The following ST6GAL2 variants were observed in gnomAD, a reference collection of about 807,000 sequenced individuals.
ST6GAL2 encodes ST6 beta-galactoside alpha-2,6-sialyltransferase 2, also known as beta-galactoside alpha-2,6-sialyltransferase 2.
Under a neutral mutation model 37.5 loss-of-function variants are expected in ST6GAL2, and 24 were observed. That is an observed-to-expected ratio of 0.64 (90% CI 0.46 to 0.90). The LOEUF is 0.90. Ranked by LOEUF, ST6GAL2 falls within the 40% of genes least tolerant of loss-of-function variation. The probability of loss-of-function intolerance (pLI) is 0.00; values close to 1 mark genes in which losing one functional copy is unlikely to be tolerated. For missense variants in ST6GAL2, 715 were observed against 712.7 expected (o/e 1.00, Z -0.04); for synonymous variants, 306 against 295.1 (o/e 1.04, Z -0.38).
At chr2:106,848,749 A>G (rs1677243668) in intron 1 of ST6GAL2, among the ~76,000 whole-genome samples, 1 of 152,228 alleles carries the variant, frequency 6.6e-6, no homozygotes, top group African/African-American at 2.4e-5. Flanking sequence ...CAAAATTAAA[A>G]TAATTCAAAC....
rs765968492 is a variant in ST6GAL2, at chr2:106,841,842, AG to A, written c.943+1192del. On this transcript the variant is annotated intron_variant, in intron 2 of 5. Coordinates refer to ENST00000409382, the MANE Select transcript of ST6GAL2 (RefSeq NM_001142351.2). Reference sequence around the variant, plus strand: ...ATGGCCCCATCAATCAAAAAAGATTAGAATTGGTATTTTACTTGAAAACTAG... The same window carrying A: ...ATGGCCCCATCAATCAAAAAAGATTAAATTGGTATTTTACTTGAAAACTAG... 5.3e-5 allele frequency among the ~76,000 whole-genome samples: 8 copies of A among 152,348 alleles called. No individual in the cohort carries two copies. The South Asian group carries it at 8.3e-4, about 16-fold the overall frequency.
At chr2:106,870,875 T>G (rs1678234410) in intron 1 of ST6GAL2, among the ~76,000 whole-genome samples, 1 of 152,160 alleles carries the variant, frequency 6.6e-6, no homozygotes, top group African/African-American at 2.4e-5. Flanking sequence ...TGAAAAGGGC[T>G]TGGGGGTGTG....
At chr2:106,874,044 TTGA>T (rs1678390769) in intron 1 of ST6GAL2, among the ~76,000 whole-genome samples, 1 of 152,158 alleles carries the variant, frequency 6.6e-6, no homozygotes, top group Non-Finnish European at 1.5e-5. Flanking sequence ...ATCCATCCAT[TTGA>T]CATAGATTTA....
At chr2:106,847,827 G>C (rs1239117218) in intron 1 of ST6GAL2, among the ~76,000 whole-genome samples, 1 of 152,116 alleles carries the variant, frequency 6.6e-6, no homozygotes, top group African/African-American at 2.4e-5. Context: ...TGGAATCTGA[G>C]TGTATCACCC....
At chr2:106,822,298 T>A (rs1676035022) in intron 5 of ST6GAL2, among the ~76,000 whole-genome samples, 3 of 152,106 alleles carry the variant, frequency 2.0e-5, no homozygotes, top group Admixed American at 2.0e-4. Flanking sequence ...CTGATAAACA[T>A]TCAGTAAAGT....
At position 106,843,960 on chromosome 2, in the gene ST6GAL2, C is replaced by T. The variant is rs1199523479; in HGVS notation, c.18G>A (p.Lys6=). 10 of 1,579,408 alleles carry T rather than the reference C, an allele frequency of 6.3e-6. No homozygotes were observed. The highest frequency in any genetic ancestry group is 8.6e-6 in the Non-Finnish European group (10 of 1,164,890). MKPHL[K]QWRQRMLFGI... ...CGAAAAGCATTCGTTGTCTCCATTG[C>T]TTCAAGTGTGGTTTCATGGCAGGTC... The change falls in exon 2 of 6, where the codon AAG becomes AAA. Residue 6 remains lysine, a synonymous_variant. Transcript: ENST00000409382.
intron 2 of ST6GAL2, among the ~76,000 whole-genome samples, chr2:106,840,729 T>C (rs2104507306): frequency 6.6e-6 from 1 of 152,284 alleles, no homozygotes; most frequent in East Asian, 1.9e-4. Flanking sequence ...CACGTTCTCT[T>C]CCAAATTGTA....
At chr2:106,842,437 G>C (rs1676926379) in intron 2 of ST6GAL2, among the ~76,000 whole-genome samples, 1 of 152,236 alleles carries the variant, frequency 6.6e-6, no homozygotes, top group African/African-American at 2.4e-5. Context: ...TGCGCCAACA[G>C]TTGGGAGGCC....
At chr2:106,876,894 A>T (rs113789541) in intron 1 of ST6GAL2, among the ~76,000 whole-genome samples, 2 of 152,118 alleles carry the variant, frequency 1.3e-5, no homozygotes, top group Admixed American at 1.3e-4. Context: ...CCGCATGTGG[A>T]CAGAAGCAGC....
intron 4 of ST6GAL2, among the ~76,000 whole-genome samples, chr2:106,830,585 T>A (rs1676382678): frequency 6.6e-6 from 1 of 152,242 alleles, no homozygotes; most frequent in Admixed American, 6.5e-5. Context: ...GGTACCATCG[T>A]AGCACGGAAG....
chr2:106,834,161 G>A lies in ST6GAL2; in HGVS notation c.944-15C>T, dbSNP rs1347912831. 1.3e-6 allele frequency: 2 copies of A among 1,585,176 alleles called. No homozygotes were observed. The highest frequency in any genetic ancestry group is 3.3e-4 in the Middle Eastern group (2 of 6,010). ...ATCATGAGAATCTAAGGGCACATAA[G>A]TGACAAGCTTACTTTTGTTCTCTGT... On this transcript the variant is annotated splice_polypyrimidine_tract_variant and intron_variant, in intron 2 of 5. Transcript: ENST00000409382.
At chr2:106,874,250 T>G (rs532172309) in intron 1 of ST6GAL2, among the ~76,000 whole-genome samples, 8 of 151,828 alleles carry the variant, frequency 5.3e-5, no homozygotes, top group African/African-American at 1.9e-4. Flanking sequence ...TCATGTTAGG[T>G]GTGTGTGTGT....
rs60795605 is a variant in ST6GAL2 at position 106,823,442 on chromosome 2, AACACACACACACACAC to A, written c.1318+6608_1318+6623del. Among the ~76,000 whole-genome samples the A allele has an allele frequency of 3.7e-3, 373 of 101,574 alleles. 5 individuals carry two copies. The highest frequency in any genetic ancestry group is 0.027 in the East Asian group (115 of 4,226). The allele number at this position is 101,574 out of a possible 152,430, so 66.6% of individuals were successfully genotyped here. On this transcript the variant is annotated intron_variant, in intron 5 of 5. Coordinates refer to ENST00000409382, the MANE Select transcript of ST6GAL2 (RefSeq NM_001142351.2). Reference sequence around the variant, plus strand: ...TATTGCTTTCCTTTTCCCAGCAGAAAACACACACACACACACACACACACACACACACACACACACA... The same window carrying A: ...TATTGCTTTCCTTTTCCCAGCAGAAAACACACACACACACACACACACACA...
At chr2:106,849,859 C>G (rs568795883) in intron 1 of ST6GAL2, among the ~76,000 whole-genome samples, 27 of 152,194 alleles carry the variant, frequency 1.8e-4, no homozygotes, top group Non-Finnish European at 3.4e-4. Context: ...GTACCTACGA[C>G]TTATAAACCC....
intron 1 of ST6GAL2, among the ~76,000 whole-genome samples, chr2:106,873,059 G>T (rs940546557): frequency 5.3e-5 from 8 of 152,194 alleles, no homozygotes; most frequent in African/African-American, 1.9e-4. Flanking sequence ...AGAAGGATGT[G>T]AGTCTGGGAA....
At chr2:106,823,642 AG>A (rs1360182154) in intron 5 of ST6GAL2, among the ~76,000 whole-genome samples, 1 of 152,208 alleles carries the variant, frequency 6.6e-6, no homozygotes, top group African/African-American at 2.4e-5. Flanking sequence ...GCTTTTTGAG[AG>A]GAAGGTGTTG....
At chr2:106,866,236 G>A (rs1214855038) in intron 1 of ST6GAL2, among the ~76,000 whole-genome samples, 1 of 152,190 alleles carries the variant, frequency 6.6e-6, no homozygotes. Flanking sequence ...GCATGTGACT[G>A]TGCAGTCATG....
chr2:106,863,463 G>A (rs923227592), intron 1 of ST6GAL2, among the ~76,000 whole-genome samples: 1 of 152,036 alleles, frequency 6.6e-6, no homozygotes, highest in Non-Finnish European at 1.5e-5. Context: ...TCATTCCAAC[G>A]GGGTTCAAAA....
chr2:106,868,706 T>C (rs1209904209), intron 1 of ST6GAL2, among the ~76,000 whole-genome samples: 1 of 152,144 alleles, frequency 6.6e-6, no homozygotes, highest in Non-Finnish European at 1.5e-5. Flanking sequence ...GAGAATCCAG[T>C]ATGACAAAAC....
Sources: allele counts gnomAD v4.1 joint callset (sites outside exome capture counted in the v4.1 genomes callset), GRCh38; gene constraint gnomAD v4.1.1; transcripts MANE v1.5; gene names NCBI Gene and HGNC (gene_info 2026-07-23, HGNC 2026-07-21).